The following FAM78B variants were observed in gnomAD, a reference collection of about 807,000 sequenced individuals.
FAM78B encodes the protein family with sequence similarity 78 member B.
FAM78B carries 10 observed loss-of-function variants against 20.0 expected under a neutral mutation model. That is an observed-to-expected ratio of 0.50 (90% CI 0.31 to 0.85). FAM78B has a LOEUF of 0.85. FAM78B is among the 40% of genes least tolerant of loss of function. The pLI is 0.05. For missense variants in FAM78B, 283 were observed against 345.0 expected (o/e 0.82, Z 1.42); for synonymous variants, 135 against 132.8 (o/e 1.02, Z -0.12).
At chr1:166,156,566 A>G (rs1368688385) in intron 1 of FAM78B, among the ~76,000 whole-genome samples, 1 of 152,222 alleles carries the variant, frequency 6.6e-6, no homozygotes, top group Non-Finnish European at 1.5e-5. Context: ...TGCTTATCTG[A>G]AATAGGAATA....
chr1:166,067,669 A>C (rs1213227405), downstream of FAM78B, among the ~76,000 whole-genome samples: 1 of 152,206 alleles, frequency 6.6e-6, no homozygotes, highest in African/African-American at 2.4e-5. Flanking sequence ...TCCTTGTAAA[A>C]CAACAGTAAC....
chr1:166,107,752 C>T (rs1319377550), intron 1 of FAM78B, among the ~76,000 whole-genome samples: 1 of 152,170 alleles, frequency 6.6e-6, no homozygotes, highest in Non-Finnish European at 1.5e-5. Flanking sequence ...CAACAAAATA[C>T]TTGCTTACTG....
At chr1:166,116,552 C>A (rs1654266193) in intron 1 of FAM78B, among the ~76,000 whole-genome samples, 2 of 152,198 alleles carry the variant, frequency 1.3e-5, no homozygotes, top group African/African-American at 2.4e-5. Flanking sequence ...TAAAATCAAA[C>A]AACCCCCAAC....
intron 1 of FAM78B, among the ~76,000 whole-genome samples, chr1:166,123,289 A>G (rs1654527088): frequency 6.6e-6 from 1 of 152,210 alleles, no homozygotes; most frequent in Non-Finnish European, 1.5e-5. Context: ...TCATAGATGA[A>G]GACACAGCTG....
intron 1 of FAM78B, among the ~76,000 whole-genome samples, chr1:166,117,949 A>G (rs747034099): frequency 1.8e-4 from 27 of 151,978 alleles, no homozygotes. Flanking sequence ...ACATGACGCA[A>G]TTGGGAGGGG....
chr1:166,095,716 T>G (rs867618130), intron 1 of FAM78B, among the ~76,000 whole-genome samples: 3 of 151,974 alleles, frequency 2.0e-5, no homozygotes, highest in South Asian at 4.2e-4. Flanking sequence ...ACGTGATAGA[T>G]AGTAAGTGCT....
chr1:166,143,857 G>GAGCA (rs1655365456), intron 1 of FAM78B, among the ~76,000 whole-genome samples: 1 of 152,246 alleles, frequency 6.6e-6, no homozygotes, highest in East Asian at 1.9e-4. Flanking sequence ...ACTTCGCATG[G>GAGCA]AGCAACTCTT....
rs1473269633 is a variant in FAM78B at position 166,069,341 on chromosome 1, C to T, written c.*900G>A. 6.6e-6 allele frequency among the ~76,000 whole-genome samples: 1 copy of T among 152,076 alleles called. No homozygotes were observed. The highest frequency in any genetic ancestry group is 1.5e-5 in the Non-Finnish European group (1 of 68,014). Reference sequence around the variant, plus strand: ...TCTTATTTGCTGAAATGTTCTTGAACCTTACATGGATTCATGGCTCATAAC... The same window carrying T: ...TCTTATTTGCTGAAATGTTCTTGAATCTTACATGGATTCATGGCTCATAAC... On this transcript the variant is annotated 3_prime_UTR_variant, in exon 2 of 2. Transcript: ENST00000354422.
chr1:166,090,137 T>G (rs1432520369), intron 1 of FAM78B, among the ~76,000 whole-genome samples: 2 of 152,150 alleles, frequency 1.3e-5, no homozygotes, highest in Admixed American at 6.5e-5. Context: ...GCTCCTGTCC[T>G]CCCAGAGCCC....
At chr1:166,120,384 C>T (rs80277870) in intron 1 of FAM78B, among the ~76,000 whole-genome samples, 1 of 152,342 alleles carries the variant, frequency 6.6e-6, no homozygotes, top group African/African-American at 2.4e-5. Context: ...TGGAGGCTTT[C>T]TTTCATCACA....
intron 1 of FAM78B, among the ~76,000 whole-genome samples, chr1:166,164,426 G>T (rs558002388): frequency 6.6e-6 from 1 of 152,212 alleles, no homozygotes; most frequent in Non-Finnish European, 1.5e-5. Flanking sequence ...TCTTTTGAGG[G>T]TATGTCAGTT....
At chr1:166,072,583 G>C (rs1652092793) in intron 1 of FAM78B, among the ~76,000 whole-genome samples, 1 of 152,042 alleles carries the variant, frequency 6.6e-6, no homozygotes, top group Non-Finnish European at 1.5e-5. Flanking sequence ...CTGCTCATTG[G>C]GTTCATGAAA....
chr1:166,141,061 T>C (rs541150869), intron 1 of FAM78B, among the ~76,000 whole-genome samples: 2 of 152,354 alleles, frequency 1.3e-5, no homozygotes, highest in African/African-American at 4.8e-5. Context: ...GGGGCATTAA[T>C]ATATCAGAAA....
At chr1:166,142,731 T>C (rs1386165927) in intron 1 of FAM78B, among the ~76,000 whole-genome samples, 2 of 152,334 alleles carry the variant, frequency 1.3e-5, no homozygotes, top group African/African-American at 2.4e-5. Flanking sequence ...AAAGGCCCTC[T>C]AGGCACTTTT....
chr1:166,087,819 T>G (rs747832972), intron 1 of FAM78B, among the ~76,000 whole-genome samples: 10 of 152,148 alleles, frequency 6.6e-5, no homozygotes, highest in Non-Finnish European at 8.8e-5. Flanking sequence ...TAAGACAGTA[T>G]GTGGGCAGGG....
intron 1 of FAM78B, among the ~76,000 whole-genome samples, chr1:166,159,294 T>G (rs2101805197): frequency 6.6e-6 from 1 of 152,230 alleles, no homozygotes; most frequent in Middle Eastern, 3.4e-3. Flanking sequence ...CAGTCTCAGC[T>G]CGGCCACTTA....
chr1:166,068,542 G>A (rs958946034), downstream of FAM78B, among the ~76,000 whole-genome samples: 1 of 152,322 alleles, frequency 6.6e-6, no homozygotes, highest in South Asian at 2.1e-4. Context: ...CCTGGGACTA[G>A]AATCTGAAAT....
intron 1 of FAM78B, among the ~76,000 whole-genome samples, chr1:166,114,598 A>T (rs1461756284): frequency 1.3e-5 from 2 of 152,162 alleles, no homozygotes; most frequent in Non-Finnish European, 2.9e-5. Context: ...CAGCCAGGAG[A>T]TTTCCAGCAG....
At chr1:166,128,849 T>C (rs1301888053) in intron 1 of FAM78B, among the ~76,000 whole-genome samples, 4 of 152,184 alleles carry the variant, frequency 2.6e-5, no homozygotes, top group East Asian at 1.9e-4. Flanking sequence ...GGGTAGAAGA[T>C]AGATGAGTGT....
Sources: gnomAD v4.1 joint callset for allele counts (sites outside exome capture counted in the v4.1 genomes callset) on GRCh38, gnomAD v4.1.1 for gene constraint, MANE v1.5 for transcripts, NCBI Gene and HGNC (gene_info 2026-07-23, HGNC 2026-07-21) for gene names.